C12orf42: variants seen among roughly 807,000 people sequenced by gnomAD.
C12orf42 encodes chromosome 12 open reading frame 42, also known as uncharacterized protein C12orf42.
C12orf42 carries 25 observed loss-of-function variants against 21.6 expected under a neutral mutation model. That is an observed-to-expected ratio of 1.16 (90% CI 0.84 to 1.62). The LOEUF is 1.62. C12orf42 is among the 40% of genes most tolerant of loss of function. The pLI is 0.00. For missense variants in C12orf42, 483 were observed against 459.3 expected (o/e 1.05, Z -0.47); for synonymous variants, 174 against 175.0 (o/e 0.99, Z 0.05).
chr12:103,466,659 G>A (rs1465561357), intron 2 of C12orf42, among the ~76,000 whole-genome samples: 2 of 151,918 alleles, frequency 1.3e-5, no homozygotes, highest in Non-Finnish European at 2.9e-5. Flanking sequence ...TACCCCATGT[G>A]GTACACTGAT....
At chr12:103,506,220 C>T in the C12orf42 span, 1 of 153,600 alleles carries the variant, frequency 6.5e-6, no homozygotes, top group Non-Finnish European at 1.5e-5. Context: ...AGATGTATCA[C>T]CAGCCATTTA....
At chr12:103,102,274 A>G in the C12orf42 span, among the ~76,000 whole-genome samples, 3 of 152,236 alleles carry the variant, frequency 2.0e-5, no homozygotes, top group Non-Finnish European at 4.4e-5. Context: ...AAAAGAATCA[A>G]GATCTTCCCC....
chr12:103,425,649 A>C (rs1005135163), intron 2 of C12orf42, among the ~76,000 whole-genome samples: 1 of 152,158 alleles, frequency 6.6e-6, no homozygotes, highest in South Asian at 2.1e-4. Flanking sequence ...CAACATCAAC[A>C]AAAAAGGATG....
At chr12:103,100,472 T>A in the C12orf42 span, among the ~76,000 whole-genome samples, 4 of 152,254 alleles carry the variant, frequency 2.6e-5, no homozygotes, top group Non-Finnish European at 4.4e-5. Flanking sequence ...AGTTGCAACG[T>A]GTGGCACCGG....
chr12:103,186,877 G>T, the C12orf42 span, among the ~76,000 whole-genome samples: 2 of 152,092 alleles, frequency 1.3e-5, no homozygotes, highest in Non-Finnish European at 2.9e-5. Context: ...GCCAAAGAGA[G>T]AAATGTAGCT....
chr12:103,246,222 A>G (rs902120880), intron 10 of C12orf42, among the ~76,000 whole-genome samples: 1 of 152,088 alleles, frequency 6.6e-6, no homozygotes, highest in African/African-American at 2.4e-5. Flanking sequence ...ATGTAACTCC[A>G]AGAAATGTTC....
At chr12:103,181,052 G>A in the C12orf42 span, among the ~76,000 whole-genome samples, 8 of 151,832 alleles carry the variant, frequency 5.3e-5, no homozygotes, top group Non-Finnish European at 1.2e-4. Context: ...TCACAAGGTT[G>A]AGAGATTGAG....
At chr12:103,134,049 T>C in the C12orf42 span, among the ~76,000 whole-genome samples, 1 of 152,222 alleles carries the variant, frequency 6.6e-6, no homozygotes, top group African/African-American at 2.4e-5. Context: ...AGCATGAGAA[T>C]GAACTAATGC....
the C12orf42 span, among the ~76,000 whole-genome samples, chr12:103,184,410 C>T: frequency 3.9e-5 from 6 of 152,084 alleles, no homozygotes; most frequent in East Asian, 5.8e-4. Flanking sequence ...TTTTTCCATC[C>T]TTTTAATTTT....
the C12orf42 span, among the ~76,000 whole-genome samples, chr12:103,532,342 G>A: frequency 6.6e-6 from 1 of 152,170 alleles, no homozygotes; most frequent in African/African-American, 2.4e-5. Flanking sequence ...AAACACTCTA[G>A]ATACCAAAAC....
At chr12:103,359,850 T>A (rs2043929570) in intron 4 of C12orf42, among the ~76,000 whole-genome samples, 3 of 151,860 alleles carry the variant, frequency 2.0e-5, no homozygotes, top group Admixed American at 2.0e-4. Flanking sequence ...GTTTAACAGG[T>A]GATCGATTTT....
At chr12:103,047,885 T>C in the C12orf42 span, among the ~76,000 whole-genome samples, 3 of 152,136 alleles carry the variant, frequency 2.0e-5, no homozygotes, top group Admixed American at 6.5e-5. Context: ...GTAGACACGG[T>C]AAGGTTTCTT....
the C12orf42 span, among the ~76,000 whole-genome samples, chr12:103,109,781 G>A: frequency 6.6e-6 from 1 of 151,698 alleles, no homozygotes; most frequent in African/African-American, 2.4e-5. Context: ...AAATGCAAAT[G>A]AAAAGATTAA....
chr12:103,554,510 T>G, the C12orf42 span, among the ~76,000 whole-genome samples: 2 of 151,986 alleles, frequency 1.3e-5, no homozygotes, highest in African/African-American at 2.4e-5. Context: ...AAATAGTCCA[T>G]TTGGGGGTGC....
the C12orf42 span, among the ~76,000 whole-genome samples, chr12:103,184,883 G>A: frequency 6.6e-6 from 1 of 152,060 alleles, no homozygotes; most frequent in Non-Finnish European, 1.5e-5. Context: ...TTAGGATGTA[G>A]ACAGGTGAAT....
chr12:103,390,103 G>T (rs1475459830), intron 3 of C12orf42, among the ~76,000 whole-genome samples: 3 of 152,078 alleles, frequency 2.0e-5, no homozygotes, highest in African/African-American at 2.4e-5. Flanking sequence ...GCTGCTGAAG[G>T]TTCTACTGTC....
At chr12:103,119,759 T>C in the C12orf42 span, among the ~76,000 whole-genome samples, 1 of 152,234 alleles carries the variant, frequency 6.6e-6, no homozygotes, top group Admixed American at 6.5e-5. Context: ...GGATAGAGTC[T>C]TCAATTCACA....
chr12:103,302,390 G>C lies in C12orf42; in HGVS notation c.801C>G (p.Gly267=). Reference sequence around the variant, plus strand: ...CTTTTCCGACGGGATTTCCGGACGCGCCCAGGAGTCTGCTTTGGATGTCGT... The same window carrying C: ...CTTTTCCGACGGGATTTCCGGACGCCCCCAGGAGTCTGCTTTGGATGTCGT... ...HPDDIQSRLL[G]ASGNPVGKGA... is the part of the protein sequence containing the mutation. The change falls in exon 6 of 6, where the codon GGC becomes GGG. Residue 267 remains glycine, a synonymous_variant. Coordinates refer to ENST00000548883, the MANE Select transcript of C12orf42 (RefSeq NM_198521.5). The C allele has an allele frequency of 2.5e-6, 4 of 1,613,892 alleles. No individual in the cohort carries two copies. The highest frequency in any genetic ancestry group is 3.4e-6 in the Non-Finnish European group (4 of 1,179,870).
chr12:103,553,820 C>G, the C12orf42 span, among the ~76,000 whole-genome samples: 1 of 152,128 alleles, frequency 6.6e-6, no homozygotes, highest in Non-Finnish European at 1.5e-5. Context: ...CAGAGGAGTT[C>G]TAGGGAAGTC....
Sources: allele counts gnomAD v4.1 joint callset (sites outside exome capture counted in the v4.1 genomes callset), GRCh38; gene constraint gnomAD v4.1.1; transcripts MANE v1.5; gene names NCBI Gene and HGNC (gene_info 2026-07-23, HGNC 2026-07-21).